The following NSMCE2 variants were observed in gnomAD, a reference collection of about 807,000 sequenced individuals.
The protein encoded by NSMCE2 is NSE2 SUMO ligase component of SMC5/6 complex, also known as E3 SUMO-protein ligase NSE2.
NSMCE2 carries 24 observed loss-of-function variants against 23.8 expected under a neutral mutation model. That is an observed-to-expected ratio of 1.01 (90% CI 0.73 to 1.42). The LOEUF (loss-of-function observed/expected upper bound fraction) is 1.42, where lower values mean the gene tolerates loss of function less well. Among genes scored for constraint, NSMCE2 ranks in the 40% most tolerant of loss-of-function variants. The probability of loss-of-function intolerance (pLI) is 0.00; values close to 1 mark genes in which losing one functional copy is unlikely to be tolerated. For missense variants in NSMCE2, 284 were observed against 296.5 expected, an observed-to-expected ratio of 0.96 and a Z score of 0.31; for synonymous variants, 92 against 94.1, an observed-to-expected ratio of 0.98 and a Z score of 0.13.
intron 5 of NSMCE2, among the ~76,000 whole-genome samples, chr8:125,235,895 G>A (rs1256106896): frequency 1.3e-5 from 2 of 152,266 alleles, no homozygotes. Flanking sequence ...AATCCCTAAG[G>A]AGTTATGACC....
chr8:125,114,835 T>A (rs1818921560), intron 3 of NSMCE2, among the ~76,000 whole-genome samples: 1 of 152,214 alleles, frequency 6.6e-6, no homozygotes. Context: ...CTTAGAGAAT[T>A]TTTGAAATTT....
chr8:125,239,280 T>C (rs1253931555), intron 5 of NSMCE2, among the ~76,000 whole-genome samples: 2 of 152,162 alleles, frequency 1.3e-5, no homozygotes, highest in African/African-American at 4.8e-5. Context: ...CCTTAGTGGA[T>C]TTGAAACAAC....
chr8:125,215,444 T>A (rs1824540056), intron 5 of NSMCE2, among the ~76,000 whole-genome samples: 1 of 151,990 alleles, frequency 6.6e-6, no homozygotes, highest in African/African-American at 2.4e-5. Context: ...TCTATCATTG[T>A]TGGACATTTG....
intron 5 of NSMCE2, among the ~76,000 whole-genome samples, chr8:125,347,051 A>G (rs988123860): frequency 2.0e-5 from 3 of 152,194 alleles, no homozygotes; most frequent in African/African-American, 7.2e-5. Flanking sequence ...GAAGATGTTG[A>G]TAGTGCTGTG....
intron 7 of NSMCE2, among the ~76,000 whole-genome samples, chr8:125,365,844 G>A (rs1376734471): frequency 3.9e-5 from 6 of 152,104 alleles, no homozygotes; most frequent in Non-Finnish European, 8.8e-5. Flanking sequence ...GTGAAAGAGT[G>A]AGACTCCATC....
At chr8:125,112,700 AG>A (rs1178375816) in intron 3 of NSMCE2, among the ~76,000 whole-genome samples, 2 of 152,158 alleles carry the variant, frequency 1.3e-5, no homozygotes, top group Non-Finnish European at 2.9e-5. Context: ...GTGAACTCAT[AG>A]AAACAGAGAG....
chr8:125,320,718 A>G (rs993528552), intron 5 of NSMCE2, among the ~76,000 whole-genome samples: 2 of 152,234 alleles, frequency 1.3e-5, no homozygotes, highest in South Asian at 2.1e-4. Flanking sequence ...TTCATCACCA[A>G]CAAACCTGCA....
At chr8:125,092,153 G>A (rs559727401) in intron 1 of NSMCE2, among the ~76,000 whole-genome samples, 195 bp downstream of exon 1, 17 of 152,316 alleles carry the variant, frequency 1.1e-4, no homozygotes, top group Non-Finnish European at 2.4e-4. Context: ...TTCGCCTCAA[G>A]TGTGTAGGGG....
intron 5 of NSMCE2, among the ~76,000 whole-genome samples, chr8:125,344,658 G>C (rs948495829): frequency 1.3e-5 from 2 of 150,762 alleles, no homozygotes; most frequent in Non-Finnish European, 2.9e-5. Flanking sequence ...CAGGAGAGTC[G>C]CTTGAACCCA....
intron 5 of NSMCE2, 42 bp from the exon 6 acceptor site, chr8:125,357,177 C>T (rs374119758): frequency 3.3e-5 from 43 of 1,284,088 alleles, no homozygotes; most frequent in Middle Eastern, 1.8e-4. Context: ...TTTTCTTTGA[C>T]GTTAGACCAG....
intron 3 of NSMCE2, among the ~76,000 whole-genome samples, chr8:125,117,536 T>A (rs1819067092): frequency 6.6e-6 from 1 of 150,496 alleles, no homozygotes; most frequent in African/African-American, 2.4e-5. Flanking sequence ...ATACCTTTTT[T>A]ATTTTTATTT....
In NSMCE2 at chr8:125,366,753, C is replaced by T; in HGVS notation, c.627-15C>T. Reference sequence around the variant, plus strand: ...CAGTAAAGGGGACTGACTTGATGTTCTTTCTTTCTCACAGTTGCCCTCAAA... The same window carrying T: ...CAGTAAAGGGGACTGACTTGATGTTTTTTCTTTCTCACAGTTGCCCTCAAA... On this transcript the variant is annotated splice_polypyrimidine_tract_variant and intron_variant, in intron 7 of 7. Transcript: ENST00000287437. 6.8e-7 allele frequency: 1 copy of T among 1,478,840 alleles called. No homozygotes were observed. Among genetic ancestry groups the T allele is most frequent in the African/African-American group, 1.4e-5 (1 of 72,500 alleles). 91.6% of individuals were successfully genotyped at this position (1,478,840 alleles called of 1,614,324 possible).
intron 3 of NSMCE2, among the ~76,000 whole-genome samples, chr8:125,117,053 T>C (rs1819040570): frequency 6.6e-6 from 1 of 151,834 alleles, no homozygotes; most frequent in African/African-American, 2.4e-5. Context: ...AAGACCTAAA[T>C]GGAAAAGAAA....
intron 5 of NSMCE2, among the ~76,000 whole-genome samples, chr8:125,271,719 G>A (rs1296818436): frequency 2.0e-5 from 3 of 152,180 alleles, no homozygotes; most frequent in Admixed American, 1.3e-4. Flanking sequence ...TCAGCGTTCT[G>A]GAGGATGCAT....
rs141575063 is a variant in NSMCE2, at chr8:125,249,723, A to G, written c.418+67467A>G. ...AAGATTCCTTCAAGCAAGAATACTC[A>G]GTGCTTATGTGGGCATCACATGATC... On this transcript the variant is annotated intron_variant, in intron 5 of 7. Transcript: ENST00000287437. Among the ~76,000 whole-genome samples, 22 of 152,348 alleles carry G rather than the reference A, an allele frequency of 1.4e-4. No individual in the cohort carries two copies. In the East Asian group the frequency reaches 4.2e-3, roughly 29 times the overall value.
rs546657201 is a variant in NSMCE2 at position 125,105,958 on chromosome 8, C to T, written c.157+3471C>T. Among the ~76,000 whole-genome samples the T allele has an allele frequency of 1.3e-4, 20 of 151,946 alleles. 2 individuals are homozygous for T. In the South Asian group the frequency reaches 4.2e-3, roughly 32 times the overall value. ...CAAGTTATATGGGAAAAAAAGTGAA[C>T]TAAACAACTTAGACAGACACAGAGT... On this transcript the variant is annotated intron_variant, in intron 3 of 7. Transcript: ENST00000287437.
At chr8:125,285,145 C>T (rs4279612) in intron 5 of NSMCE2, among the ~76,000 whole-genome samples, 135,405 of 152,246 alleles carry the variant, frequency 0.89, 60,358 homozygotes, top group African/African-American at 0.95. Context: ...ACTAAAATGG[C>T]ACAGTTTGCT....
At chr8:125,153,100 T>G (rs1821130011) in intron 4 of NSMCE2, among the ~76,000 whole-genome samples, 1 of 146,614 alleles carries the variant, frequency 6.8e-6, no homozygotes, top group Non-Finnish European at 1.5e-5. Context: ...CTTTTCCCCC[T>G]TCAGGACATT....
At chr8:125,258,026 A>G (rs1016180359) in intron 5 of NSMCE2, among the ~76,000 whole-genome samples, 2 of 152,180 alleles carry the variant, frequency 1.3e-5, no homozygotes, top group Non-Finnish European at 2.9e-5. Context: ...AAGGGAGGAG[A>G]TTGAAGAGAG....
Sources: allele counts gnomAD v4.1 joint callset (sites outside exome capture counted in the v4.1 genomes callset), GRCh38; gene constraint gnomAD v4.1.1; transcripts MANE v1.5; gene names NCBI Gene and HGNC (gene_info 2026-07-23, HGNC 2026-07-21).